The following STK39 variants were observed in gnomAD, a reference collection of about 807,000 sequenced individuals.
The protein encoded by STK39 is serine/threonine kinase 39, also known as STE20/SPS1-related proline-alanine-rich protein kinase.
Under a neutral mutation model 77.8 loss-of-function variants are expected in STK39, and 20 were observed. The ratio of observed to expected loss-of-function variants is 0.26; its 90% CI spans 0.18 to 0.37. The LOEUF is 0.37. Among genes scored for constraint, STK39 ranks in the 10% least tolerant of loss-of-function variants. The pLI, the probability that STK39 is intolerant of heterozygous loss-of-function variation, is 1.00. For missense variants in STK39, 479 were observed against 656.5 expected (o/e 0.73, Z 2.95); for synonymous variants, 246 against 234.1 (o/e 1.05, Z -0.47).
chr2:168,143,898 A>G (rs143170512), intron 5 of STK39, among the ~76,000 whole-genome samples: 52 of 152,310 alleles, frequency 3.4e-4, no homozygotes, highest in African/African-American at 1.1e-3. Flanking sequence ...GCCCTTGCAC[A>G]TGATGCTTTG....
intron 15 of STK39, among the ~76,000 whole-genome samples, chr2:168,014,399 C>T (rs1684354661): frequency 1.3e-5 from 2 of 151,954 alleles, no homozygotes. Context: ...GGAAGGATCA[C>T]TTGAGCCTGG....
At chr2:168,186,916 C>G (rs1454462038) in intron 1 of STK39, among the ~76,000 whole-genome samples, 2 of 152,080 alleles carry the variant, frequency 1.3e-5, no homozygotes, top group Non-Finnish European at 2.9e-5. Flanking sequence ...AACCAAAGAA[C>G]TAAATGATTT....
At chr2:168,230,141 T>C (rs138870581) in intron 1 of STK39, among the ~76,000 whole-genome samples, 491 of 152,330 alleles carry the variant, frequency 3.2e-3, no homozygotes, top group African/African-American at 0.011. Flanking sequence ...ATTTGCAAAA[T>C]GGCAATAAGA....
chr2:167,965,024 C>G (rs745649392), intron 16 of STK39, among the ~76,000 whole-genome samples: 17 of 152,004 alleles, frequency 1.1e-4, no homozygotes, highest in Non-Finnish European at 2.2e-4. Flanking sequence ...TGATAGCAGC[C>G]CCCAGTGTTT....
At chr2:168,008,318 G>C (rs1456208320) in intron 16 of STK39, among the ~76,000 whole-genome samples, 1 of 152,182 alleles carries the variant, frequency 6.6e-6, no homozygotes, top group African/African-American at 2.4e-5. Context: ...GCAAAGGCAG[G>C]ATCCTGGGCA....
chr2:167,955,509 A>C lies in STK39; in HGVS notation c.1625T>G (p.Leu542Trp), dbSNP rs1238519102. The C allele has an allele frequency of 6.2e-7, 1 of 1,613,772 alleles. No individual in the cohort carries two copies. The highest frequency in any genetic ancestry group is 8.5e-7 in the Non-Finnish European group (1 of 1,179,900). The change falls in exon 18 of 18, where the codon TTG becomes TGG. Residue 542 changes from leucine to tryptophan, a missense_variant. By Grantham distance (61) the Leu-to-Trp change is moderately conservative (BLOSUM62 -2). This residue lies in a region of STK39 where 244 missense variants were observed against 296.8 expected (regional missense o/e 0.82). Coordinates refer to ENST00000355999, the MANE Select transcript of STK39 (RefSeq NM_013233.3). ...DEVKLIGFAQLSVS is the reference protein window; with the variant it reads ...DEVKLIGFAQWSVS ...AAGGGACATACATCAGCTGACACTC[A>C]ACTGAGCAAACCCAATCAGCTTCAC...
At chr2:168,113,307 C>G (rs571802036) in intron 10 of STK39, among the ~76,000 whole-genome samples, 1 of 152,258 alleles carries the variant, frequency 6.6e-6, no homozygotes, top group South Asian at 2.1e-4. Flanking sequence ...CAGATATGCC[C>G]ACTTTAATAA....
At chr2:167,973,242 AGACATTTG>A (rs144215354) in intron 16 of STK39, among the ~76,000 whole-genome samples, 3,459 of 152,304 alleles carry the variant, frequency 0.023, 119 homozygotes, top group African/African-American at 0.079. Flanking sequence ...GGTAAAATAA[AGACATTTG>A]GACTAAATTA....
chr2:167,987,969 G>A (rs748627322), intron 16 of STK39, among the ~76,000 whole-genome samples: 5 of 152,102 alleles, frequency 3.3e-5, no homozygotes, highest in South Asian at 2.1e-4. Context: ...GTTGGAACTC[G>A]TATTTGCTCC....
At chr2:168,163,943 C>A in intron 3 of STK39, 63 bp from the exon 4 acceptor site, 1 of 1,551,304 alleles carries the variant, frequency 6.4e-7, no homozygotes, top group Non-Finnish European at 8.7e-7. Flanking sequence ...GAACAAGACT[C>A]CATTATGTAT....
At chr2:168,022,506 T>C (rs1684595319) in intron 14 of STK39, among the ~76,000 whole-genome samples, 1 of 152,194 alleles carries the variant, frequency 6.6e-6, no homozygotes, top group Admixed American at 6.5e-5. Context: ...CTGCAGGTTA[T>C]GGCCAGACAG....
At chr2:168,140,200 G>A in intron 7 of STK39, 89 bp downstream of exon 7, 2 of 1,145,666 alleles carry the variant, frequency 1.7e-6, no homozygotes. Flanking sequence ...TCGGGTCTAA[G>A]AGAAGAATGA....
At chr2:168,226,369 T>G (rs1690306320) in intron 1 of STK39, among the ~76,000 whole-genome samples, 1 of 152,082 alleles carries the variant, frequency 6.6e-6, no homozygotes, top group South Asian at 2.1e-4. Context: ...ACATCTACCT[T>G]TATAAAGAAT....
At chr2:168,066,250 T>A (rs1167011615) in intron 12 of STK39, among the ~76,000 whole-genome samples, 3 of 152,228 alleles carry the variant, frequency 2.0e-5, no homozygotes, top group Non-Finnish European at 1.5e-5. Context: ...TATTGATGTC[T>A]GCAATTTACT....
Position 168,234,737 on chromosome 2 carries a change from T to C in STK39, c.208+12491A>G, listed in dbSNP as rs149511373. ...AACCTGGTTACATGTTACATAAACATGCCCTGATGAAGAAATAAATATAAG... is the reference window on the plus strand; with the variant it reads ...AACCTGGTTACATGTTACATAAACACGCCCTGATGAAGAAATAAATATAAG... On this transcript the variant is annotated intron_variant, in intron 1 of 17. Transcript: ENST00000355999. 6.5e-3 allele frequency among the ~76,000 whole-genome samples: 997 copies of C among 152,330 alleles called. 9 individuals are homozygous for C. The highest frequency in any genetic ancestry group is 0.018 in the African/African-American group (752 of 41,576).
chr2:168,112,066 A>T (rs1379038115), intron 10 of STK39, among the ~76,000 whole-genome samples: 2 of 152,120 alleles, frequency 1.3e-5, no homozygotes, highest in Admixed American at 1.3e-4. Flanking sequence ...TTAACTTACA[A>T]TCCATTAATT....
chr2:168,216,254 A>G (rs1690022467), intron 1 of STK39, among the ~76,000 whole-genome samples: 1 of 152,214 alleles, frequency 6.6e-6, no homozygotes, highest in Non-Finnish European at 1.5e-5. Context: ...GAGTCAAATC[A>G]GAGGGAGACA....
intron 10 of STK39, among the ~76,000 whole-genome samples, chr2:168,093,744 C>T (rs1020173735): frequency 2.6e-5 from 4 of 152,216 alleles, no homozygotes; most frequent in African/African-American, 9.6e-5. Context: ...TAAACCACAA[C>T]ACACTGCCAC....
intron 7 of STK39, 86 bp from the exon 8 acceptor site, chr2:168,138,307 A>C (rs2105525435): frequency 6.7e-7 from 1 of 1,495,456 alleles, no homozygotes; most frequent in South Asian, 1.3e-5. Context: ...AGTGTAAAAA[A>C]CCATCCTTGA....
Sources: allele counts gnomAD v4.1 joint callset (sites outside exome capture counted in the v4.1 genomes callset), GRCh38; gene constraint gnomAD v4.1.1; regional missense constraint gnomAD v4.1.1; transcripts MANE v1.5; gene names NCBI Gene and HGNC (gene_info 2026-07-23, HGNC 2026-07-21).